TMEM65: variants seen among roughly 807,000 people sequenced by gnomAD.
The protein encoded by TMEM65 is transmembrane protein 65.
TMEM65 carries 22 observed loss-of-function variants against 25.4 expected under a neutral mutation model. The ratio of observed to expected loss-of-function variants is 0.86; its 90% CI spans 0.62 to 1.23. The LOEUF (loss-of-function observed/expected upper bound fraction) is 1.23. TMEM65 is among the 50% of genes most tolerant of loss of function. The pLI is 0.00. For missense variants in TMEM65, 262 were observed against 308.2 expected, an observed-to-expected ratio of 0.85 and a Z score of 1.12; for synonymous variants, 132 against 126.2, an observed-to-expected ratio of 1.05 and a Z score of -0.31.
At chr8:124,366,152 G>T (rs752555814) in intron 1 of TMEM65, among the ~76,000 whole-genome samples, 1 of 152,184 alleles carries the variant, frequency 6.6e-6, no homozygotes, top group Non-Finnish European at 1.5e-5. Context: ...AACCCGGGAG[G>T]CAGAGGTTGC....
At chr8:124,371,805 G>C (rs1215263956) in intron 1 of TMEM65, 49 bp downstream of exon 1, 1 of 1,477,066 alleles carries the variant, frequency 6.8e-7, no homozygotes, top group Non-Finnish European at 9.0e-7. Context: ...CTGGCGAGAA[G>C]AGGAGGGCGT....
chr8:124,350,476 C>T (rs1814693520), intron 1 of TMEM65, among the ~76,000 whole-genome samples: 1 of 75,364 alleles, frequency 1.3e-5, no homozygotes, highest in African/African-American at 3.8e-5. Context: ...CTCTCTCTCT[C>T]TCACACACAC....
chr8:124,372,178 C>A lies in TMEM65; in HGVS notation c.-21G>T. The A allele has an allele frequency of 1.6e-6, 2 of 1,284,026 alleles. No individual in the cohort carries two copies. Among genetic ancestry groups the A allele is most frequent in the Middle Eastern group, 3.0e-4 (1 of 3,340 alleles). The allele number at this position is 1,284,026 out of a possible 1,614,324, so 79.5% of individuals were successfully genotyped here. On this transcript the variant is annotated 5_prime_UTR_variant, in exon 1 of 7. Transcript: ENST00000297632. ...GACATGGCGAGCTGAGGAGCTGGGA[C>A]CCCCGCGGCCGTCCGGCAAGGCGGT...
rs112234085 is a variant in TMEM65 at position 124,306,948 on chromosome 8, CA to C, written c.*7011del. On this transcript the variant is annotated 3_prime_UTR_variant, in exon 7 of 7. Transcript: ENST00000297632. ...TGGACAACAGAGCAAGACTCCATCT[CA>C]AAAAAAAAAAAAGTTAAAATTTATC... 12,981 of 138,306 alleles carry C rather than the reference CA, an allele frequency of 0.094. 588 individuals are homozygous for C. The highest frequency in any genetic ancestry group is 0.15 in the East Asian group (745 of 4,850). The allele number at this position is 138,306 out of a possible 1,614,324, so 8.6% of individuals were successfully genotyped here.
intron 6 of TMEM65, among the ~76,000 whole-genome samples, chr8:124,318,143 C>A (rs917477126): frequency 6.6e-6 from 1 of 151,950 alleles, no homozygotes; most frequent in Non-Finnish European, 1.5e-5. Flanking sequence ...AACAGCAAGC[C>A]AGAGGTTAGG....
chr8:124,369,549 G>C (rs907959644), intron 1 of TMEM65, among the ~76,000 whole-genome samples: 3 of 152,122 alleles, frequency 2.0e-5, no homozygotes, highest in Admixed American at 2.0e-4. Context: ...TTGTTAGAAA[G>C]TACACTTAGT....
chr8:124,366,685 G>A (rs540304004), intron 1 of TMEM65, among the ~76,000 whole-genome samples: 18 of 151,406 alleles, frequency 1.2e-4, no homozygotes, highest in African/African-American at 4.4e-4. Flanking sequence ...ATTAAACACT[G>A]TTAAACAGCA....
Position 124,307,298 on chromosome 8 carries a change from G to A in TMEM65, c.*6662C>T, listed in dbSNP as rs1172654888. 1 of 152,098 alleles carries A rather than the reference G, an allele frequency of 6.6e-6. No homozygotes were observed. The highest frequency in any genetic ancestry group is 2.4e-5 in the African/African-American group (1 of 41,426). The allele number at this position is 152,098 out of a possible 1,614,324, so 9.4% of individuals were successfully genotyped here. A position where few individuals can be genotyped will look rare whatever the true frequency, so the allele number is the denominator to read the frequency against. The stretch of plus-strand genomic sequence containing the variant: ...CATAAACCTTGCAATAATACCAAGG[G>A]ACCCATATGAAGTCCCGCTAGTGAC... On this transcript the variant is annotated 3_prime_UTR_variant, in exon 7 of 7. Transcript: ENST00000297632.
At chr8:124,355,022 A>G (rs976163758) in intron 1 of TMEM65, among the ~76,000 whole-genome samples, 11 of 152,246 alleles carry the variant, frequency 7.2e-5, no homozygotes, top group Non-Finnish European at 1.3e-4. Context: ...CATGAAGAAA[A>G]GCAGAAAAGA....
chr8:124,321,971 T>C, intron 5 of TMEM65, 134 bp downstream of exon 5: 1 of 737,166 alleles, frequency 1.4e-6, no homozygotes, highest in Non-Finnish European at 2.2e-6. Flanking sequence ...TTAGAAAAAG[T>C]AAATTTGAAA....
chr8:124,341,406 T>C (rs1010787816), intron 1 of TMEM65, among the ~76,000 whole-genome samples: 1 of 152,056 alleles, frequency 6.6e-6, no homozygotes, highest in African/African-American at 2.4e-5. Flanking sequence ...TGAGCATTAA[T>C]ACCAAAAGTA....
chr8:124,344,807 G>C (rs1382758372), intron 1 of TMEM65, among the ~76,000 whole-genome samples: 3 of 152,132 alleles, frequency 2.0e-5, no homozygotes, highest in African/African-American at 4.8e-5. Context: ...AGAGTATTAA[G>C]TGCTCATGTA....
At chr8:124,328,371 T>C (rs1342457815) in intron 2 of TMEM65, among the ~76,000 whole-genome samples, 3 of 151,248 alleles carry the variant, frequency 2.0e-5, no homozygotes, top group Non-Finnish European at 4.4e-5. Flanking sequence ...ACCACTGAAC[T>C]CTAGCCTGGC....
At chr8:124,340,544 C>T (rs1477359027) in intron 1 of TMEM65, among the ~76,000 whole-genome samples, 1 of 152,108 alleles carries the variant, frequency 6.6e-6, no homozygotes, top group African/African-American at 2.4e-5. Flanking sequence ...AAAATTAACA[C>T]AGATACATGA....
At chr8:124,343,163 G>A (rs1007828530) in intron 1 of TMEM65, among the ~76,000 whole-genome samples, 1 of 151,972 alleles carries the variant, frequency 6.6e-6, no homozygotes, top group Non-Finnish European at 1.5e-5. Context: ...AAACACAATG[G>A]CATTAAACAA....
rs548264776 is a variant in TMEM65 at position 124,306,792 on chromosome 8, T to A, written c.*7168A>T. The A allele has an allele frequency of 6.6e-6, 1 of 151,850 alleles. No individual in the cohort carries two copies. Among genetic ancestry groups the A allele is most frequent in the South Asian group, 2.1e-4 (1 of 4,812 alleles). 9.4% of individuals were successfully genotyped at this position (151,850 alleles called of 1,614,324 possible). A position where few individuals can be genotyped will look rare whatever the true frequency, so the allele number is the denominator to read the frequency against. Reference sequence around the variant, plus strand: ...GGTGAAACCCTGTTTCTCCTAAAAATACAAAAATTAGCTGGGCATGGGGAT... The same window carrying A: ...GGTGAAACCCTGTTTCTCCTAAAAAAACAAAAATTAGCTGGGCATGGGGAT... On this transcript the variant is annotated 3_prime_UTR_variant, in exon 7 of 7. Transcript: ENST00000297632.
At chr8:124,338,382 G>A (rs1307597034) in intron 1 of TMEM65, among the ~76,000 whole-genome samples, 1 of 152,002 alleles carries the variant, frequency 6.6e-6, no homozygotes, top group South Asian at 2.1e-4. Context: ...ACCAAAGAGT[G>A]AGAAAGAGCA....
intron 1 of TMEM65, among the ~76,000 whole-genome samples, chr8:124,361,204 C>T (rs956832689): frequency 4.0e-5 from 6 of 150,504 alleles, no homozygotes; most frequent in Non-Finnish European, 7.4e-5. Flanking sequence ...GAGGCCGAGG[C>T]GGGTAGGTCA....
At chr8:124,354,196 A>C (rs2131221753) in intron 1 of TMEM65, among the ~76,000 whole-genome samples, 1 of 152,324 alleles carries the variant, frequency 6.6e-6, no homozygotes, top group Middle Eastern at 3.4e-3. Flanking sequence ...GATCAATGCA[A>C]CTCAAGGGGA....
Sources: gnomAD v4.1 joint callset for allele counts (sites outside exome capture counted in the v4.1 genomes callset) on GRCh38, gnomAD v4.1.1 for gene constraint, MANE v1.5 for transcripts, NCBI Gene and HGNC (gene_info 2026-07-23, HGNC 2026-07-21) for gene names.